Variants in HDAC9 observed in about 807,000 individuals in gnomAD.
HDAC9 encodes the protein histone deacetylase 9.
A neutral mutation model predicts 139.4 loss-of-function variants in HDAC9; 41 were observed. The observed-to-expected ratio is 0.29, with a 90% CI of 0.23 to 0.38. The LOEUF is 0.38. HDAC9 is among the 10% of genes least tolerant of loss of function. The pLI is 1.00. For missense variants in HDAC9, 1,147 were observed against 1,297.0 expected, an observed-to-expected ratio of 0.88 and a Z score of 1.78; for synonymous variants, 517 against 476.2, an observed-to-expected ratio of 1.09 and a Z score of -1.12.
chr7:18,580,326 G>A (rs1827401170), intron 2 of HDAC9, among the ~76,000 whole-genome samples: 1 of 152,096 alleles, frequency 6.6e-6, no homozygotes, highest in Non-Finnish European at 1.5e-5. Context: ...TTAAAAAGAA[G>A]GAATAACTAT....
At chr7:18,928,964 T>C (rs1459960499) in intron 22 of HDAC9, among the ~76,000 whole-genome samples, 1 of 152,114 alleles carries the variant, frequency 6.6e-6, no homozygotes, top group African/African-American at 2.4e-5. Flanking sequence ...AATTTTGGTT[T>C]TTTAATATAG....
At chr7:18,773,569 G>A (rs970235087) in intron 16 of HDAC9, among the ~76,000 whole-genome samples, 1 of 151,946 alleles carries the variant, frequency 6.6e-6, no homozygotes. Context: ...AAGATCTGTG[G>A]CTCGATTAAA....
intron 12 of HDAC9, among the ~76,000 whole-genome samples, chr7:18,673,006 G>A (rs188901501): frequency 2.6e-4 from 40 of 151,952 alleles, no homozygotes; most frequent in Non-Finnish European, 7.4e-5. Context: ...TTACAATCTT[G>A]ATGTTTATTA....
chr7:18,280,183 G>A (rs907802172), intron 2 of HDAC9, among the ~76,000 whole-genome samples: 19 of 152,272 alleles, frequency 1.2e-4, no homozygotes, highest in African/African-American at 4.3e-4. Context: ...CAGGCACAGT[G>A]GCTCACCCAT....
At chr7:18,273,461 A>G (rs1011607954) in intron 2 of HDAC9, among the ~76,000 whole-genome samples, 1 of 152,176 alleles carries the variant, frequency 6.6e-6, no homozygotes, top group Non-Finnish European at 1.5e-5. Flanking sequence ...TAATATATAC[A>G]TATCTGAAAG....
intron 21 of HDAC9, among the ~76,000 whole-genome samples, chr7:18,854,928 C>T (rs752412948): frequency 3.3e-5 from 5 of 152,024 alleles, no homozygotes; most frequent in African/African-American, 7.2e-5. Flanking sequence ...TGAGTGCCTG[C>T]GTAAATTGGT....
At chr7:18,156,607 A>G (rs532853057) in intron 1 of HDAC9, among the ~76,000 whole-genome samples, 1 of 152,214 alleles carries the variant, frequency 6.6e-6, no homozygotes. Context: ...GTACTCTACT[A>G]GGTGTGGGGG....
intron 2 of HDAC9, among the ~76,000 whole-genome samples, chr7:18,199,321 G>T (rs1790939220): frequency 6.6e-6 from 1 of 152,032 alleles, no homozygotes; most frequent in Non-Finnish European, 1.5e-5. Context: ...TTCTTGTGAA[G>T]TTTAATAATT....
intron 1 of HDAC9, among the ~76,000 whole-genome samples, chr7:18,130,137 A>G (rs540390232): frequency 4.6e-5 from 7 of 152,294 alleles, no homozygotes; most frequent in African/African-American, 1.4e-4. Context: ...AATATATACC[A>G]GTTGAGCAGC....
At chr7:18,889,970 G>T (rs978143886) in intron 22 of HDAC9, among the ~76,000 whole-genome samples, 2 of 152,128 alleles carry the variant, frequency 1.3e-5, no homozygotes, top group Non-Finnish European at 2.9e-5. Flanking sequence ...AAAGTGTTGG[G>T]ATTACAGGCG....
chr7:18,895,366 G>C (rs1445544534), intron 22 of HDAC9, among the ~76,000 whole-genome samples: 1 of 152,050 alleles, frequency 6.6e-6, no homozygotes, highest in African/African-American at 2.4e-5. Context: ...ATGAAAAATT[G>C]GTAGGATCAA....
intron 25 of HDAC9, among the ~76,000 whole-genome samples, chr7:18,980,629 C>T (rs1299512498): frequency 1.3e-5 from 2 of 152,072 alleles, no homozygotes; most frequent in African/African-American, 4.8e-5. Context: ...TTTTCTATCA[C>T]TTTTCTTCTT....
intron 1 of HDAC9, among the ~76,000 whole-genome samples, chr7:18,295,517 T>C (rs1316142100): frequency 6.6e-6 from 1 of 152,140 alleles, no homozygotes; most frequent in Non-Finnish European, 1.5e-5. Context: ...AAGAGACATA[T>C]TATTTTCCCA....
At chr7:18,513,609 G>A (rs1802255368) in intron 2 of HDAC9, among the ~76,000 whole-genome samples, 1 of 152,124 alleles carries the variant, frequency 6.6e-6, no homozygotes, top group Non-Finnish European at 1.5e-5. Context: ...TCAGAATAAA[G>A]GCCACTGTGG....
chr7:18,328,851 C>T (rs913053568), intron 1 of HDAC9, among the ~76,000 whole-genome samples: 2 of 151,834 alleles, frequency 1.3e-5, no homozygotes, highest in African/African-American at 4.8e-5. Flanking sequence ...TCCTCCTCTT[C>T]AATTTTTTAA....
chr7:18,853,031 G>A (rs944983598), intron 21 of HDAC9, among the ~76,000 whole-genome samples: 2 of 152,126 alleles, frequency 1.3e-5, no homozygotes, highest in African/African-American at 4.8e-5. Context: ...TGGGTTTGGT[G>A]TGAAGGGTCT....
chr7:18,512,189 A>T (rs1801738413), intron 2 of HDAC9, among the ~76,000 whole-genome samples: 1 of 152,204 alleles, frequency 6.6e-6, no homozygotes. Flanking sequence ...TGGTAAAATT[A>T]AAATACATTC....
intron 8 of HDAC9, among the ~76,000 whole-genome samples, chr7:18,636,900 ATTG>A (rs1784071520): frequency 6.6e-6 from 1 of 151,906 alleles, no homozygotes; most frequent in South Asian, 2.1e-4. Context: ...AAAATTTTAG[ATTG>A]TTGTTATCTC....
chr7:18,091,749 G>A (rs768160502), intron 1 of HDAC9, among the ~76,000 whole-genome samples: 4 of 152,156 alleles, frequency 2.6e-5, no homozygotes, highest in African/African-American at 4.8e-5. Flanking sequence ...AAGATCAATA[G>A]GAAAAGATCC....
Sources: gnomAD v4.1 joint callset for allele counts (sites outside exome capture counted in the v4.1 genomes callset) on GRCh38, gnomAD v4.1.1 for gene constraint, MANE v1.5 for transcripts, NCBI Gene and HGNC (gene_info 2026-07-23, HGNC 2026-07-21) for gene names.